Variants in SEMA3A observed in about 807,000 individuals in gnomAD.
The protein encoded by SEMA3A is semaphorin-3A.
A neutral mutation model predicts 97.9 loss-of-function variants in SEMA3A; 29 were observed. The observed-to-expected ratio is 0.30, with a 90% CI of 0.22 to 0.40. SEMA3A has a LOEUF of 0.40. Ranked by LOEUF, SEMA3A falls within the 10% of genes least tolerant of loss-of-function variation. The pLI is 1.00. For missense variants in SEMA3A, 763 were observed against 951.3 expected (o/e 0.80, Z 2.60); for synonymous variants, 321 against 323.7 (o/e 0.99, Z 0.09).
At chr7:83,988,253 G>A (rs548570578) in intron 12 of SEMA3A, among the ~76,000 whole-genome samples, 7 of 151,958 alleles carry the variant, frequency 4.6e-5, no homozygotes, top group Non-Finnish European at 8.8e-5. Flanking sequence ...TTGAGAGGGA[G>A]TCTCGCTCTG....
At chr7:84,427,916 G>A (rs935158361) in intron 1 of SEMA3A, among the ~76,000 whole-genome samples, 2 of 151,914 alleles carry the variant, frequency 1.3e-5, no homozygotes, top group Admixed American at 1.3e-4. Flanking sequence ...AGTCTATATA[G>A]CATTGATATA....
chr7:84,039,300 G>GT (rs1268477531), intron 6 of SEMA3A, among the ~76,000 whole-genome samples: 1 of 152,114 alleles, frequency 6.6e-6, no homozygotes, highest in East Asian at 1.9e-4. Context: ...CCAAAGTCAC[G>GT]TAAGTAATAA....
At chr7:84,027,904 G>C (rs1359800003) in intron 6 of SEMA3A, among the ~76,000 whole-genome samples, 1 of 152,114 alleles carries the variant, frequency 6.6e-6, no homozygotes, top group African/African-American at 2.4e-5. Context: ...GTTATCCCAT[G>C]GTTGATTACT....
chr7:84,485,929 G>C (rs1806564061), intron 1 of SEMA3A, among the ~76,000 whole-genome samples: 1 of 152,088 alleles, frequency 6.6e-6, no homozygotes, highest in Admixed American at 6.5e-5. Flanking sequence ...CTTTCATCAA[G>C]TTTACAAATT....
intron 4 of SEMA3A, among the ~76,000 whole-genome samples, chr7:84,105,527 A>G (rs926382207): frequency 1.3e-5 from 2 of 152,142 alleles, no homozygotes; most frequent in Admixed American, 1.3e-4. Flanking sequence ...TCTATCATAA[A>G]TCTCAATCAT....
chr7:84,457,219 A>G (rs1433590482), intron 1 of SEMA3A, among the ~76,000 whole-genome samples: 1 of 151,782 alleles, frequency 6.6e-6, no homozygotes, highest in Non-Finnish European at 1.5e-5. Context: ...TTCCTGAGTC[A>G]GTTATTCCAC....
rs1554385260 is a variant in SEMA3A, at chr7:84,429,516, T to TTTTA, written c.-245-57617_-245-57616insTAAA. 8.1e-3 allele frequency among the ~76,000 whole-genome samples: 589 copies of TTTTA among 72,366 alleles called. 41 individuals carry two copies. Among genetic ancestry groups the TTTTA allele is most frequent in the African/African-American group, 0.031 (431 of 14,128 alleles). 47.5% of individuals were successfully genotyped at this position (72,366 alleles called of 152,430 possible). A position where few individuals can be genotyped will look rare whatever the true frequency, so the allele number is the denominator to read the frequency against. ...TTGCATTAGTAAAATATAGAGTTTG[T>TTTTA]TATATATATATATATATATATATAT... On this transcript the variant is annotated intron_variant, in intron 1 of 3. Transcript: ENST00000424555.
At chr7:84,049,732 A>C (rs1029775817) in intron 5 of SEMA3A, among the ~76,000 whole-genome samples, 1 of 151,452 alleles carries the variant, frequency 6.6e-6, no homozygotes, top group Admixed American at 6.6e-5. Context: ...TTATTATTAT[A>C]CTTTAAGTTT....
chr7:84,308,928 C>T (rs574291267), intron 2 of SEMA3A, among the ~76,000 whole-genome samples: 14 of 151,990 alleles, frequency 9.2e-5, no homozygotes, highest in Admixed American at 1.3e-4. Flanking sequence ...AGCAATTCTC[C>T]TGCCTCAGTC....
intron 1 of SEMA3A, among the ~76,000 whole-genome samples, chr7:84,155,564 G>A (rs996819514): frequency 6.6e-6 from 1 of 152,084 alleles, no homozygotes; most frequent in Admixed American, 6.6e-5. Flanking sequence ...TGCCTTAAGT[G>A]GTTACCAAAT....
intron 1 of SEMA3A, among the ~76,000 whole-genome samples, chr7:84,415,215 T>C (rs1562939347): frequency 6.6e-6 from 1 of 152,124 alleles, no homozygotes; most frequent in Non-Finnish European, 1.5e-5. Flanking sequence ...GTGACCTCTG[T>C]TATTTCATAA....
intron 2 of SEMA3A, among the ~76,000 whole-genome samples, chr7:84,312,853 AG>A (rs1218893208): frequency 8.0e-6 from 1 of 124,992 alleles, no homozygotes; most frequent in Non-Finnish European, 1.6e-5. Context: ...TTTCTTTCAG[AG>A]GATATTTTGG....
At chr7:84,180,070 C>T (rs1797693900) in intron 1 of SEMA3A, among the ~76,000 whole-genome samples, 1 of 150,282 alleles carries the variant, frequency 6.7e-6, no homozygotes, top group Non-Finnish European at 1.5e-5. Flanking sequence ...CCTCAGCCTC[C>T]CTAGTAGCTG....
intron 14 of SEMA3A, among the ~76,000 whole-genome samples, chr7:83,980,639 TACACACACAC>T (rs68037473): frequency 3.4e-5 from 3 of 88,448 alleles, no homozygotes; most frequent in African/African-American, 9.2e-5. Flanking sequence ...TATATATATA[TACACACACAC>T]ACACATATAC....
rs143387043 is a variant in SEMA3A at position 84,039,729 on chromosome 7, C to T, written c.667+6595G>A. The stretch of plus-strand genomic sequence containing the variant: ...TTAGGGAGAAATCTATCAGTTATAT[C>T]TAAAAAATGTACATATGGCTTAAAG... On this transcript the variant is annotated intron_variant, in intron 6 of 16. Coordinates refer to ENST00000265362, the MANE Select transcript of SEMA3A (RefSeq NM_006080.3). 1.5e-3 allele frequency among the ~76,000 whole-genome samples: 226 copies of T among 151,898 alleles called. 1 individual carries two copies. The Middle Eastern group carries it at 0.034, about 23-fold the overall frequency.
At chr7:84,315,112 T>G (rs924669418) in intron 2 of SEMA3A, among the ~76,000 whole-genome samples, 1 of 152,068 alleles carries the variant, frequency 6.6e-6, no homozygotes, top group Non-Finnish European at 1.5e-5. Context: ...GTAATTAACC[T>G]TACCAATATC....
At chr7:84,331,794 A>G (rs1196482576) in intron 2 of SEMA3A, among the ~76,000 whole-genome samples, 3 of 152,066 alleles carry the variant, frequency 2.0e-5, no homozygotes, top group Admixed American at 6.6e-5. Flanking sequence ...GTGTGCGTGC[A>G]TGCGTGCGTG....
At chr7:83,988,691 AATT>A (rs548349055) in intron 12 of SEMA3A, among the ~76,000 whole-genome samples, 72 of 152,172 alleles carry the variant, frequency 4.7e-4, no homozygotes, top group African/African-American at 1.7e-3. Flanking sequence ...ACCTTAAATG[AATT>A]ATATTAGTTA....
intron 5 of SEMA3A, among the ~76,000 whole-genome samples, chr7:84,053,632 A>G (rs1341614120): frequency 1.0e-4 from 15 of 148,988 alleles, no homozygotes; most frequent in Admixed American, 4.0e-4. Context: ...GGTTTCCTGA[A>G]TACAGCACAC....
Sources: gnomAD v4.1 joint callset for allele counts (sites outside exome capture counted in the v4.1 genomes callset) on GRCh38, gnomAD v4.1.1 for gene constraint, MANE v1.5 for transcripts, NCBI Gene and HGNC (gene_info 2026-07-23, HGNC 2026-07-21) for gene names.